The following FGD4 variants were observed in gnomAD, a reference collection of about 807,000 sequenced individuals.
The protein encoded by FGD4 is FYVE, RhoGEF and PH domain-containing protein 4.
A neutral mutation model predicts 102.0 loss-of-function variants in FGD4; 42 were observed. The observed-to-expected ratio is 0.41, with a 90% confidence interval of 0.32 to 0.53. The LOEUF is 0.53. FGD4 is among the 20% of genes least tolerant of loss of function. The pLI, the probability that FGD4 is intolerant of heterozygous loss-of-function variation, is 0.21. For missense variants in FGD4, 902 were observed against 1,078.2 expected (o/e 0.84, Z 2.29); for synonymous variants, 380 against 375.7 (o/e 1.01, Z -0.13).
chr12:32,550,909 C>T (rs1036261083), intron 1 of FGD4, among the ~76,000 whole-genome samples: 2 of 152,036 alleles, frequency 1.3e-5, no homozygotes, highest in African/African-American at 2.4e-5. Context: ...ACTTGAATTA[C>T]CTGCAGTAAA....
Position 32,399,584 on chromosome 12 carries a change from G to A in FGD4, c.-210G>A, listed in dbSNP as rs979750739. 8.7e-6 allele frequency: 11 copies of A among 1,267,470 alleles called. No individual in the cohort carries two copies. Among genetic ancestry groups the A allele is most frequent in the Non-Finnish European group, 1.1e-5 (11 of 963,338 alleles). The allele number at this position is 1,267,470 out of a possible 1,614,324, so 78.5% of individuals were successfully genotyped here. A position where few individuals can be genotyped will look rare whatever the true frequency, so the allele number is the denominator to read the frequency against. ...CAGATACCGAGACGCTGCGACTGCC[G>A]CAGGAGTCGCCGCAGCCAAACTCGC... On this transcript the variant is annotated 5_prime_UTR_variant, in exon 1 of 17. Transcript: ENST00000534526.
chr12:32,552,927 G>A lies in FGD4; in HGVS notation c.167-11210G>A, dbSNP rs1406856064. Among the ~76,000 whole-genome samples, 9 of 149,592 alleles carry A rather than the reference G, an allele frequency of 6.0e-5. No homozygotes were observed. In the East Asian group the frequency reaches 1.6e-3, roughly 26 times the overall value. On this transcript the variant is annotated intron_variant, in intron 1 of 16. Transcript: ENST00000534526. ...TGAGTAGCTGGGATTACAGGCATGC[G>A]CCACCACGCCTGGCTAATTTTTTTT...
At position 32,526,099 on chromosome 12, in the gene FGD4, G is replaced by A. The variant is rs577424135; in HGVS notation, c.167-38038G>A. ...GGCAGGCAGCTCCACCTGCAGCCCC[G>A]GTGCGGGATCCACTAGGTGAAGCCA... On this transcript the variant is annotated intron_variant, in intron 1 of 16. Transcript: ENST00000534526. Among the ~76,000 whole-genome samples, 356 of 152,358 alleles carry A rather than the reference G, an allele frequency of 2.3e-3. 1 individual carries two copies. Among genetic ancestry groups the A allele is most frequent in the Non-Finnish European group, 3.4e-3 (229 of 68,034 alleles).
rs1293808584 is a variant in FGD4 at position 32,465,192 on chromosome 12, T to G, written c.166+65233T>G. Among the ~76,000 whole-genome samples the G allele has an allele frequency of 2.0e-5, 3 of 152,022 alleles. No homozygotes were observed. The East Asian group carries it at 5.8e-4, about 29-fold the overall frequency. ...ACTTTTGACTACCCCAAAATTTAATTTACTAATAGCCTACTATTGACCAGA... is the reference window on the plus strand; with the variant it reads ...ACTTTTGACTACCCCAAAATTTAATGTACTAATAGCCTACTATTGACCAGA... On this transcript the variant is annotated intron_variant, in intron 1 of 16. Coordinates refer to ENST00000534526, the MANE Select transcript of FGD4 (RefSeq NM_001370298.3).
intron 1 of FGD4, among the ~76,000 whole-genome samples, chr12:32,423,800 T>C (rs973947127): frequency 6.6e-6 from 1 of 151,500 alleles, no homozygotes; most frequent in Non-Finnish European, 1.5e-5. Context: ...TTAGACAATA[T>C]AGAGTAATTT....
intron 3 of FGD4, among the ~76,000 whole-genome samples, chr12:32,580,331 T>C (rs570847300): frequency 1.4e-4 from 22 of 152,334 alleles, no homozygotes; most frequent in African/African-American, 5.1e-4. Context: ...TAGTAAGCAC[T>C]TAATAAATGT....
chr12:32,560,173 C>T (rs1177496127), intron 1 of FGD4, among the ~76,000 whole-genome samples: 11 of 152,180 alleles, frequency 7.2e-5, no homozygotes, highest in Admixed American at 7.2e-4. Context: ...TATACTTTGC[C>T]TATTTCACAT....
At chr12:32,494,009 G>C (rs1311075631) in intron 1 of FGD4, among the ~76,000 whole-genome samples, 1 of 152,142 alleles carries the variant, frequency 6.6e-6, no homozygotes, top group African/African-American at 2.4e-5. Context: ...AGATGTAAAG[G>C]GTCTGAGGCA....
At chr12:32,463,484 G>A (rs572273329) in intron 1 of FGD4, among the ~76,000 whole-genome samples, 7 of 152,264 alleles carry the variant, frequency 4.6e-5, no homozygotes, top group South Asian at 4.1e-4. Flanking sequence ...GGTAAATAAC[G>A]TATTCTTCTT....
intron 4 of FGD4, among the ~76,000 whole-genome samples, chr12:32,597,876 G>A (rs1308701975): frequency 1.3e-5 from 2 of 152,126 alleles, no homozygotes; most frequent in Non-Finnish European, 2.9e-5. Context: ...TTTGATTGAA[G>A]TTTTTCTTTC....
intron 1 of FGD4, among the ~76,000 whole-genome samples, chr12:32,528,565 A>G (rs1008416539): frequency 6.6e-6 from 1 of 151,848 alleles, no homozygotes; most frequent in Non-Finnish European, 1.5e-5. Flanking sequence ...AACTTTTTGT[A>G]TTTTTAGTAG....
chr12:32,407,790 G>A (rs1268667962), intron 1 of FGD4, among the ~76,000 whole-genome samples: 2 of 151,970 alleles, frequency 1.3e-5, no homozygotes, highest in African/African-American at 2.4e-5. Context: ...GAGCTCAACC[G>A]ACCTGTCACT....
chr12:32,469,785 G>A (rs1323553770), intron 1 of FGD4, among the ~76,000 whole-genome samples: 2 of 151,534 alleles, frequency 1.3e-5, no homozygotes, highest in Non-Finnish European at 1.5e-5. Context: ...TTAGCCTCCC[G>A]AGTAGCTGGG....
intron 1 of FGD4, among the ~76,000 whole-genome samples, chr12:32,538,535 C>T (rs1942509446): frequency 1.3e-5 from 2 of 152,126 alleles, no homozygotes; most frequent in Admixed American, 6.5e-5. Context: ...GGAAGCCTCA[C>T]AGGCCAAGTT....
intron 1 of FGD4, among the ~76,000 whole-genome samples, chr12:32,517,537 G>A (rs1339542298): frequency 6.6e-6 from 1 of 152,160 alleles, no homozygotes; most frequent in Non-Finnish European, 1.5e-5. Flanking sequence ...CATAGTTGAT[G>A]TCCCAGAATC....
chr12:32,502,227 GGA>G lies in FGD4; in HGVS notation c.167-61909_167-61908del, dbSNP rs1565781005. On this transcript the variant is annotated intron_variant, in intron 1 of 16. Transcript: ENST00000534526. Reference sequence around the variant, plus strand: ...TGTGCTGGGTGAGATTATCTGCAATGGACCGGGTTAATGGGAGGCTTGCTTTG... The same window carrying G: ...TGTGCTGGGTGAGATTATCTGCAATGCCGGGTTAATGGGAGGCTTGCTTTG... 15 of 985,372 alleles carry G rather than the reference GGA, an allele frequency of 1.5e-5. No homozygotes were observed. The African/African-American group carries it at 2.6e-4, about 17-fold the overall frequency. 61.0% of individuals were successfully genotyped at this position (985,372 alleles called of 1,614,324 possible). A position where few individuals can be genotyped will look rare whatever the true frequency, so the allele number is the denominator to read the frequency against.
chr12:32,545,224 A>G (rs1381647120), intron 1 of FGD4, among the ~76,000 whole-genome samples: 12 of 152,216 alleles, frequency 7.9e-5, no homozygotes, highest in African/African-American at 2.7e-4. Flanking sequence ...AGATTATACC[A>G]TATAACACTG....
Position 32,601,312 on chromosome 12 carries a change from G to A in FGD4, c.1136G>A (p.Arg379Gln), listed in dbSNP as rs372866502. 10 of 1,613,996 alleles carry A rather than the reference G, an allele frequency of 6.2e-6. No homozygotes were observed. Among genetic ancestry groups the A allele is most frequent in the African/African-American group, 1.3e-5 (1 of 74,924 alleles). The part of the protein sequence containing the change: ...FYCKLLEEAN[R>Q]GSFPAEMVNK... ...TGCAAACTGTTGGAAGAAGCAAACC[G>A]AGGCTCGTTTCCAGCAGAGATGGTG... The change falls in exon 6 of 17, where the codon CGA becomes CAA. Residue 379 changes from arginine to glutamine, a missense_variant. Around this residue, in one of 2 missense-constraint regions of FGD4, gnomAD observed 443 missense variants for 459.2 expected, o/e 0.96. Transcript: ENST00000534526.
chr12:32,534,369 C>T (rs1403455594), intron 1 of FGD4: 3 of 1,465,156 alleles, frequency 2.0e-6, no homozygotes, highest in African/African-American at 1.4e-5. Context: ...AATCTTCAGC[C>T]TCCCTGAAGC....
Sources: allele counts gnomAD v4.1 joint callset (sites outside exome capture counted in the v4.1 genomes callset), GRCh38; gene constraint gnomAD v4.1.1; regional missense constraint gnomAD v4.1.1; transcripts MANE v1.5; gene names NCBI Gene and HGNC (gene_info 2026-07-23, HGNC 2026-07-21).